The following DSTYK variants were observed in gnomAD, a reference collection of about 807,000 sequenced individuals.
DSTYK encodes the protein dual serine/threonine and tyrosine protein kinase.
DSTYK carries 34 observed loss-of-function variants against 98.7 expected under a neutral mutation model. That is an observed-to-expected ratio of 0.34 (90% CI 0.26 to 0.46). DSTYK has a LOEUF of 0.46. Among genes scored for constraint, DSTYK ranks in the 20% least tolerant of loss-of-function variants. The probability of loss-of-function intolerance (pLI) is 1.00; values close to 1 mark genes in which losing one functional copy is unlikely to be tolerated. For missense variants in DSTYK, 962 were observed against 1,181.7 expected (o/e 0.81, Z 2.73); for synonymous variants, 462 against 457.3 (o/e 1.01, Z -0.13).
chr1:205,164,072 A>G, intron 3 of DSTYK, 117 bp from the exon 4 acceptor site: 1 of 837,064 alleles, frequency 1.2e-6, no homozygotes, highest in Non-Finnish European at 1.9e-6. Flanking sequence ...GGCTGCAAAA[A>G]GACATGATTC....
chr1:205,189,851 T>C (rs917500775), intron 1 of DSTYK, among the ~76,000 whole-genome samples: 3 of 152,168 alleles, frequency 2.0e-5, no homozygotes, highest in Non-Finnish European at 4.4e-5. Flanking sequence ...GATGAGTGCC[T>C]TTCAAAAACC....
rs1206508776 is a variant in DSTYK at position 205,157,523 on chromosome 1, C to T, written c.2239-137G>A. ...GGCACAGTGGCTCATGCCTGTAACC[C>T]CAGCACTTAGGGAGGCCAAGGTCAA... On this transcript the variant is annotated intron_variant, in intron 9 of 12. Coordinates refer to ENST00000367162, the MANE Select transcript of DSTYK (RefSeq NM_015375.3). The T allele has an allele frequency of 1.1e-5, 7 of 616,044 alleles. No individual in the cohort carries two copies. The African/African-American group carries it at 1.3e-4, about 12-fold the overall frequency. The allele number at this position is 616,044 out of a possible 1,614,324, so 38.2% of individuals were successfully genotyped here.
At chr1:205,180,607 G>A (rs960114478) in intron 2 of DSTYK, among the ~76,000 whole-genome samples, 2 of 152,180 alleles carry the variant, frequency 1.3e-5, no homozygotes, top group Non-Finnish European at 2.9e-5. Context: ...TGGGACTACA[G>A]GCATGTGCTA....
At position 205,157,291 on chromosome 1, in the gene DSTYK, G is replaced by C. The variant is rs1370154947; in HGVS notation, c.2334C>G (p.Ile778Met). ...TACTTACCAGCACATTTTTCAGTTT[G>C]ATATCACGATGGACAAGTCCCTGGC... ...LHSQGLVHRDIKLKNVLLDKQ... is the reference protein window; with the variant it reads ...LHSQGLVHRDMKLKNVLLDKQ... The change falls in exon 10 of 13, where the codon ATC (isoleucine) becomes ATG (methionine). Residue 778 changes from isoleucine to methionine, a missense_variant. By Grantham distance (10) the Ile-to-Met change is conservative (BLOSUM62 1). Coordinates refer to ENST00000367162, the MANE Select transcript of DSTYK (RefSeq NM_015375.3). 1.2e-6 allele frequency: 2 copies of C among 1,614,030 alleles called. No individual in the cohort carries two copies. Among genetic ancestry groups the C allele is most frequent in the South Asian group, 2.2e-5 (2 of 91,082 alleles).
At chr1:205,189,170 A>C (rs1157478164) in intron 1 of DSTYK, among the ~76,000 whole-genome samples, 3 of 152,290 alleles carry the variant, frequency 2.0e-5, no homozygotes, top group East Asian at 1.9e-4. Context: ...AACAAAAAAA[A>C]CTTCTCCTTT....
chr1:205,179,802 G>C (rs1418446482), intron 2 of DSTYK, among the ~76,000 whole-genome samples: 1 of 152,048 alleles, frequency 6.6e-6, no homozygotes, highest in Non-Finnish European at 1.5e-5. Context: ...ATTGTTAATA[G>C]TCCTAACAAC....
chr1:205,198,537 A>G (rs1230063677), intron 1 of DSTYK, among the ~76,000 whole-genome samples: 3 of 152,190 alleles, frequency 2.0e-5, no homozygotes, highest in Non-Finnish European at 4.4e-5. Flanking sequence ...ATATCGCCAT[A>G]ATATTAAACG....
intron 1 of DSTYK, among the ~76,000 whole-genome samples, chr1:205,205,257 C>T (rs1216197250): frequency 2.0e-5 from 3 of 152,110 alleles, no homozygotes; most frequent in African/African-American, 7.2e-5. Flanking sequence ...CACTGTGCTC[C>T]ACCTCACAAT....
chr1:205,173,355 T>G (rs965021250), intron 2 of DSTYK: 3 of 126,640 alleles, frequency 2.4e-5, no homozygotes, highest in Non-Finnish European at 4.6e-5. Flanking sequence ...GATCACACCA[T>G]GCACTCCAAC....
intron 1 of DSTYK, among the ~76,000 whole-genome samples, chr1:205,193,065 A>G (rs1658758765): frequency 6.6e-6 from 1 of 152,206 alleles, no homozygotes; most frequent in Non-Finnish European, 1.5e-5. Flanking sequence ...TGAGGAATAA[A>G]GCATATGGAG....
At chr1:205,198,075 C>A (rs540106845) in intron 1 of DSTYK, among the ~76,000 whole-genome samples, 48 of 152,238 alleles carry the variant, frequency 3.2e-4, no homozygotes, top group Non-Finnish European at 5.3e-4. Context: ...TGCCTGTAAT[C>A]CCAGCTACTC....
intron 1 of DSTYK, chr1:205,202,570 TG>T: frequency 2.0e-6 from 2 of 977,410 alleles, no homozygotes; most frequent in Non-Finnish European, 3.2e-6. Context: ...GATGCGCCGC[TG>T]GACCTGCAGA....
At chr1:205,172,253 A>G (rs1658086514) in intron 2 of DSTYK, among the ~76,000 whole-genome samples, 1 of 151,432 alleles carries the variant, frequency 6.6e-6, no homozygotes, top group South Asian at 2.1e-4. Flanking sequence ...CACCACACCC[A>G]GCATGAGCAG....
intron 3 of DSTYK, among the ~76,000 whole-genome samples, chr1:205,165,387 G>A (rs559717032): frequency 1.8e-4 from 28 of 152,142 alleles, no homozygotes; most frequent in South Asian, 1.5e-3. Context: ...CATTGCCGCC[G>A]GCCAGGAATT....
At chr1:205,208,975 C>T (rs1659285605) in intron 1 of DSTYK, among the ~76,000 whole-genome samples, 2 of 152,196 alleles carry the variant, frequency 1.3e-5, no homozygotes, top group Non-Finnish European at 2.9e-5. Flanking sequence ...CCAAATTGCT[C>T]CCACTCCTGC....
intron 6 of DSTYK, 109 bp from the exon 7 acceptor site, chr1:205,161,496 TAAAC>T: frequency 8.7e-7 from 1 of 1,142,870 alleles, no homozygotes; most frequent in African/African-American, 1.6e-5. Flanking sequence ...TTGTGAGAAT[TAAAC>T]AAGATACATG....
intron 2 of DSTYK, among the ~76,000 whole-genome samples, chr1:205,183,005 T>A (rs2102441822): frequency 6.6e-6 from 1 of 151,632 alleles, no homozygotes; most frequent in South Asian, 2.1e-4. Context: ...AATCCCATCT[T>A]ACGCTGAGCA....
At position 205,211,569 on chromosome 1, in the gene DSTYK, C is replaced by T. The variant is rs1346073571; in HGVS notation, c.-34G>A. 5 of 1,423,116 alleles carry T rather than the reference C, an allele frequency of 3.5e-6. No individual in the cohort carries two copies. The South Asian group carries it at 6.0e-5, about 17-fold the overall frequency. The allele number at this position is 1,423,116 out of a possible 1,614,324, so 88.2% of individuals were successfully genotyped here. ...CCCGCTCTGTCTTTGCGGCTCGGTC[C>T]CCGGCCGCAGGCCCGGCCTCCCTCC... On this transcript the variant is annotated 5_prime_UTR_variant, in exon 1 of 13. Transcript: ENST00000367162.
chr1:205,149,677 C>T (rs527344164), intron 11 of DSTYK, among the ~76,000 whole-genome samples: 1 of 152,348 alleles, frequency 6.6e-6, no homozygotes, highest in Non-Finnish European at 1.5e-5. Context: ...TCTTTACCTA[C>T]TGTTGCTAAA....
Sources: gnomAD v4.1 joint callset for allele counts (sites outside exome capture counted in the v4.1 genomes callset) on GRCh38, gnomAD v4.1.1 for gene constraint, MANE v1.5 for transcripts, NCBI Gene and HGNC (gene_info 2026-07-23, HGNC 2026-07-21) for gene names.